Variants in SAE1 observed in about 807,000 individuals in gnomAD.
SAE1 encodes the protein SUMO1 activating enzyme subunit 1.
Under a neutral mutation model 40.6 loss-of-function variants are expected in SAE1, and 11 were observed. That is an observed-to-expected ratio of 0.27 (90% CI 0.17 to 0.45). SAE1 has a LOEUF of 0.45. SAE1 is among the 20% of genes least tolerant of loss of function. SAE1 has a pLI of 1.00. For synonymous variants in SAE1, 155 were observed against 154.3 expected (o/e 1.00, Z -0.03); for missense variants, 373 against 427.3 (o/e 0.87, Z 1.12).
At chr19:47,133,163 C>T (rs1367350642) in intron 1 of SAE1, among the ~76,000 whole-genome samples, 1 of 152,172 alleles carries the variant, frequency 6.6e-6, no homozygotes, top group African/African-American at 2.4e-5. Flanking sequence ...AGCTTTTATT[C>T]TAAGTGTGTG....
chr19:47,208,374 C>T (rs2058696402), intron 8 of SAE1, among the ~76,000 whole-genome samples: 1 of 152,170 alleles, frequency 6.6e-6, no homozygotes, highest in East Asian at 1.9e-4. Flanking sequence ...ATCCTCCCAC[C>T]TCAGCCTCCC....
chr19:47,149,593 A>C (rs927865228), intron 2 of SAE1, among the ~76,000 whole-genome samples: 4 of 152,158 alleles, frequency 2.6e-5, no homozygotes, highest in Non-Finnish European at 5.9e-5. Flanking sequence ...TGCCACTGTT[A>C]ATCAGTCATT....
chr19:47,172,843 G>A lies in SAE1; in HGVS notation c.733+2920G>A, dbSNP rs117728897. On this transcript the variant is annotated intron_variant, in intron 6 of 8. Transcript: ENST00000270225. ...AGTTCTCTAGGACTTGCTCTGTGCC[G>A]GGCGTTTTCCATGTATATCACCTTC... Among the ~76,000 whole-genome samples, 404 of 151,818 alleles carry A rather than the reference G, an allele frequency of 2.7e-3. 3 individuals are homozygous for A. The highest frequency in any genetic ancestry group is 8.6e-3 in the African/African-American group (358 of 41,396).
chr19:47,155,628 G>C (rs1298929181), intron 5 of SAE1, among the ~76,000 whole-genome samples: 1 of 151,922 alleles, frequency 6.6e-6, no homozygotes, highest in East Asian at 1.9e-4. Context: ...TTTTAGTAGA[G>C]ACGGGGTTTC....
chr19:47,174,971 A>C (rs1424775927), intron 6 of SAE1, among the ~76,000 whole-genome samples: 1 of 152,094 alleles, frequency 6.6e-6, no homozygotes, highest in Non-Finnish European at 1.5e-5. Context: ...GGTCTCCCAA[A>C]GTGCTGAGAT....
Position 47,209,385 on chromosome 19 carries a change from C to G in SAE1, c.*134C>G. The G allele has an allele frequency of 6.7e-7, 1 of 1,482,152 alleles. No individual in the cohort carries two copies. Among genetic ancestry groups the G allele is most frequent in the Non-Finnish European group, 9.2e-7 (1 of 1,088,844 alleles). The allele number at this position is 1,482,152 out of a possible 1,614,324, so 91.8% of individuals were successfully genotyped here. A position where few individuals can be genotyped will look rare whatever the true frequency, so the allele number is the denominator to read the frequency against. ...GCCCGATACAAAACATTTCCTGCAA[C>G]GAAGGAGGTGGTGCCGACGTGCTGC... is the stretch of plus-strand genomic sequence containing the variant. On this transcript the variant is annotated 3_prime_UTR_variant, in exon 9 of 9. Coordinates refer to ENST00000270225, the MANE Select transcript of SAE1 (RefSeq NM_005500.3).
At chr19:47,145,302 T>C (rs2058249192) in intron 2 of SAE1, among the ~76,000 whole-genome samples, 1 of 151,906 alleles carries the variant, frequency 6.6e-6, no homozygotes, top group African/African-American at 2.4e-5. Context: ...CACCCGGCCA[T>C]GCCTGGCTAA....
intron 5 of SAE1, among the ~76,000 whole-genome samples, chr19:47,161,371 A>G (rs750373171): frequency 2.6e-5 from 4 of 152,148 alleles, no homozygotes; most frequent in Non-Finnish European, 4.4e-5. Context: ...CAATGCAGAT[A>G]ATGGAACAAA....
At chr19:47,148,880 C>T (rs368436624) in intron 2 of SAE1, among the ~76,000 whole-genome samples, 4 of 152,230 alleles carry the variant, frequency 2.6e-5, no homozygotes, top group African/African-American at 7.2e-5. Flanking sequence ...TCCCAAAGTG[C>T]TGGGATTACA....
chr19:47,163,722 A>G (rs2058372752), intron 5 of SAE1, among the ~76,000 whole-genome samples: 1 of 152,064 alleles, frequency 6.6e-6, no homozygotes, highest in East Asian at 1.9e-4. Context: ...GCAAGACTCT[A>G]TCTCAAAAAT....
chr19:47,157,907 G>A (rs796400988), intron 5 of SAE1, among the ~76,000 whole-genome samples: 5 of 152,286 alleles, frequency 3.3e-5, no homozygotes, highest in African/African-American at 1.2e-4. Flanking sequence ...GACCGACTGG[G>A]CTGGACTGGG....
rs1362306059 is a variant in SAE1, at chr19:47,177,071, T to G, written c.733+7148T>G. ...CTTCATCTCAAGATGAGAATACTTA[T>G]CAGAGAATTCTTGGCAATCTTAACT... is the stretch of plus-strand genomic sequence containing the variant. On this transcript the variant is annotated intron_variant, in intron 6 of 8. Coordinates refer to ENST00000270225, the MANE Select transcript of SAE1 (RefSeq NM_005500.3). 2.6e-5 allele frequency among the ~76,000 whole-genome samples: 4 copies of G among 152,218 alleles called. No individual in the cohort carries two copies. In the East Asian group the frequency reaches 7.7e-4, roughly 29 times the overall value.
At chr19:47,198,119 T>C (rs2058627673) in intron 7 of SAE1, among the ~76,000 whole-genome samples, 1 of 152,076 alleles carries the variant, frequency 6.6e-6, no homozygotes, top group South Asian at 2.1e-4. Context: ...TCTCTCTTTT[T>C]TTTTTTTGAG....
rs187372771 is a variant in SAE1, at chr19:47,172,327, G to A, written c.733+2404G>A. On this transcript the variant is annotated intron_variant, in intron 6 of 8. Transcript: ENST00000270225. ...CTGCACTCAGAAAATGCCTCCTCTT[G>A]ATAGTGGGATCAGGTGTGGAAGAGG... 3.3e-5 allele frequency among the ~76,000 whole-genome samples: 5 copies of A among 152,332 alleles called. No individual in the cohort carries two copies. In the East Asian group the frequency reaches 7.7e-4, roughly 23 times the overall value.
At chr19:47,177,013 A>G (rs757811220) in intron 6 of SAE1, among the ~76,000 whole-genome samples, 49 of 152,260 alleles carry the variant, frequency 3.2e-4, no homozygotes, top group African/African-American at 1.2e-3. Context: ...GAACAATAAC[A>G]TACAGGTTTA....
intron 8 of SAE1, among the ~76,000 whole-genome samples, chr19:47,205,033 C>G (rs1215027799): frequency 6.6e-6 from 1 of 152,184 alleles, no homozygotes; most frequent in Non-Finnish European, 1.5e-5. Context: ...CTATACCATA[C>G]CCCCAAATAT....
intron 2 of SAE1, among the ~76,000 whole-genome samples, chr19:47,148,661 C>G (rs1310962050): frequency 6.6e-6 from 1 of 150,890 alleles, no homozygotes; most frequent in African/African-American, 2.4e-5. Flanking sequence ...GTTGCCCAGG[C>G]TGGAGTGCAG....
intron 1 of SAE1, among the ~76,000 whole-genome samples, chr19:47,140,252 G>A (rs1030441961): frequency 1.3e-5 from 2 of 151,556 alleles, no homozygotes; most frequent in South Asian, 4.2e-4. Context: ...GACTACAGGC[G>A]CCCGCCACCA....
rs1256331506 is a variant in SAE1 at position 47,150,421 on chromosome 19, A to C, written c.384+46A>C. 9 of 1,478,014 alleles carry C rather than the reference A, an allele frequency of 6.1e-6. No individual in the cohort carries two copies. In the South Asian group the frequency reaches 1.1e-4, roughly 18 times the overall value. The allele number at this position is 1,478,014 out of a possible 1,614,324, so 91.6% of individuals were successfully genotyped here. A position where few individuals can be genotyped will look rare whatever the true frequency, so the allele number is the denominator to read the frequency against. On this transcript the variant is annotated intron_variant, in intron 3 of 8. Transcript: ENST00000270225. ...TCTGCTGTGGGAATTAAACAAATTA[A>C]GGTGCTAGTTGTATATACTTTCAAA...
Sources: allele counts gnomAD v4.1 joint callset (sites outside exome capture counted in the v4.1 genomes callset), GRCh38; gene constraint gnomAD v4.1.1; transcripts MANE v1.5; gene names NCBI Gene and HGNC (gene_info 2026-07-23, HGNC 2026-07-21).